Variants in CENPP observed in about 807,000 individuals in gnomAD.
CENPP encodes centromere protein P.
A neutral mutation model predicts 35.6 loss-of-function variants in CENPP; 24 were observed. That is an observed-to-expected ratio of 0.67 (90% confidence interval 0.49 to 0.95). The LOEUF (loss-of-function observed/expected upper bound fraction) is 0.95, where lower values mean the gene tolerates loss of function less well. Among genes scored for constraint, CENPP ranks in the 40% least tolerant of loss-of-function variants. The pLI, the probability that CENPP is intolerant of heterozygous loss-of-function variation, is 0.00. For missense variants in CENPP, 332 were observed against 345.3 expected, an observed-to-expected ratio of 0.96 and a Z score of 0.31; for synonymous variants, 120 against 125.5, an observed-to-expected ratio of 0.96 and a Z score of 0.29.
chr9:92,573,127 G>A lies in CENPP; in HGVS notation c.565-38187G>A, dbSNP rs191771973. ...TCAAAGTCATTCTCCGTCCAGCTTT[G>A]TTCCCTTGCTGGCGAGGAGCTGCGT... On this transcript the variant is annotated intron_variant, in intron 5 of 7. Coordinates refer to ENST00000375587, the MANE Select transcript of CENPP (RefSeq NM_001012267.3). Among the ~76,000 whole-genome samples, 10 of 152,302 alleles carry A rather than the reference G, an allele frequency of 6.6e-5. No individual in the cohort carries two copies. The East Asian group carries it at 1.9e-3, about 29-fold the overall frequency.
intron 1 of CENPP, among the ~76,000 whole-genome samples, chr9:92,330,686 TTG>T (rs1202768016): frequency 4.3e-5 from 5 of 115,754 alleles, no homozygotes; most frequent in African/African-American, 2.4e-4. Flanking sequence ...TTTCTTTTCT[TTG>T]TTTTTTTTTT....
chr9:92,416,603 A>G lies in CENPP; in HGVS notation c.564+36744A>G, dbSNP rs772593846. Reference sequence around the variant, plus strand: ...CCATTCTTTCTCTCTTCAAAACACAATAAAAGTCTACATACTTTCTATTTC... The same window carrying G: ...CCATTCTTTCTCTCTTCAAAACACAGTAAAAGTCTACATACTTTCTATTTC... On this transcript the variant is annotated intron_variant, in intron 5 of 7. Coordinates refer to ENST00000375587, the MANE Select transcript of CENPP (RefSeq NM_001012267.3). The G allele has an allele frequency of 8.5e-6, 12 of 1,416,686 alleles. No homozygotes were observed. In the East Asian group the frequency reaches 9.2e-5, roughly 11 times the overall value. 87.8% of individuals were successfully genotyped at this position (1,416,686 alleles called of 1,614,324 possible). A position where few individuals can be genotyped will look rare whatever the true frequency, so the allele number is the denominator to read the frequency against.
chr9:92,507,713 T>C (rs80344298), intron 5 of CENPP, among the ~76,000 whole-genome samples: 226 of 152,306 alleles, frequency 1.5e-3, no homozygotes, highest in African/African-American at 4.8e-3. Context: ...TTTCAGTCAT[T>C]AGTGACAACA....
intron 5 of CENPP, chr9:92,386,211 A>C: frequency 1.2e-6 from 2 of 1,605,870 alleles, no homozygotes; most frequent in Non-Finnish European, 1.7e-6. Context: ...CTGAAGATGA[A>C]TTACACGTAG....
intron 5 of CENPP, among the ~76,000 whole-genome samples, chr9:92,531,968 T>C (rs932104841): frequency 6.6e-6 from 1 of 151,520 alleles, no homozygotes; most frequent in African/African-American, 2.4e-5. Flanking sequence ...CAGTATTTTA[T>C]TGTTGCCTTC....
intron 5 of CENPP, among the ~76,000 whole-genome samples, chr9:92,488,936 C>T (rs1846120080): frequency 6.6e-6 from 1 of 152,076 alleles, no homozygotes; most frequent in African/African-American, 2.4e-5. Context: ...ACATTTTATA[C>T]AAAGGAAAAA....
chr9:92,440,709 G>C (rs1349845178), intron 5 of CENPP, among the ~76,000 whole-genome samples: 1 of 152,192 alleles, frequency 6.6e-6, no homozygotes, highest in Non-Finnish European at 1.5e-5. Flanking sequence ...TGCATTATAA[G>C]TATTTAGTTA....
In CENPP at chr9:92,437,533, C is replaced by T. The variant is rs1159101178; in HGVS notation, c.564+57674C>T. On this transcript the variant is annotated intron_variant, in intron 5 of 7. Coordinates refer to ENST00000375587, the MANE Select transcript of CENPP (RefSeq NM_001012267.3). ...CAAGTAATCCTCCCACCTCAGCTTC[C>T]CGAGTAGCTGAGACCACAGGCATAT... Among the ~76,000 whole-genome samples the T allele has an allele frequency of 5.3e-5, 8 of 151,246 alleles. No individual in the cohort carries two copies. In the East Asian group the frequency reaches 1.4e-3, roughly 26 times the overall value.
chr9:92,384,382 T>C (rs1478217420), intron 5 of CENPP: 2 of 152,160 alleles, frequency 1.3e-5, no homozygotes, highest in East Asian at 3.8e-4. Context: ...ATACATACTT[T>C]ATGGTGGAAA....
chr9:92,352,784 C>CATCCAGAT (rs1841498257), intron 4 of CENPP, among the ~76,000 whole-genome samples: 1 of 151,602 alleles, frequency 6.6e-6, no homozygotes, highest in African/African-American at 2.4e-5. Flanking sequence ...AGATAGTGCC[C>CATCCAGAT]ATCCAGATTA....
intron 5 of CENPP, chr9:92,457,400 T>A (rs1469476122): frequency 3.1e-6 from 5 of 1,613,604 alleles, no homozygotes; most frequent in Non-Finnish European, 4.2e-6. Context: ...TATTGCACTG[T>A]ATAAAGATTT....
In CENPP at chr9:92,613,020, C is replaced by T; in HGVS notation, c.738C>T (p.Ala246=). The T allele has an allele frequency of 6.2e-7, 1 of 1,614,124 alleles. No homozygotes were observed. Among genetic ancestry groups the T allele is most frequent in the Non-Finnish European group, 8.5e-7 (1 of 1,179,998 alleles). The change falls in exon 8 of 8, where the codon GCC becomes GCT. Residue 246 remains alanine, a splice_region_variant and synonymous_variant. Coordinates refer to ENST00000375587, the MANE Select transcript of CENPP (RefSeq NM_001012267.3). ...LDLLTKVPQR[A]LELDKNRAIE... is the part of the protein sequence containing the mutation. ...CCCGGTTTAATGTTTTCTTTATAGC[C>T]CTGGAGCTGGACAAGAACAGAGCCA... is the stretch of plus-strand genomic sequence containing the variant.
At chr9:92,456,900 G>A (rs1444672989) in intron 5 of CENPP, 6 of 986,460 alleles carry the variant, frequency 6.1e-6, no homozygotes, top group Non-Finnish European at 7.3e-6. Context: ...TTTTCTAACA[G>A]CAAATGAAAG....
intron 5 of CENPP, among the ~76,000 whole-genome samples, chr9:92,419,008 T>G (rs1443829579): frequency 6.6e-6 from 1 of 152,292 alleles, no homozygotes; most frequent in East Asian, 1.9e-4. Context: ...CACACTGTCC[T>G]TGTCTCCCAG....
In CENPP at chr9:92,557,071, T is replaced by A. The variant is rs564110479; in HGVS notation, c.565-54243T>A. 3.3e-5 allele frequency among the ~76,000 whole-genome samples: 5 copies of A among 152,372 alleles called. No homozygotes were observed. In the South Asian group the frequency reaches 8.3e-4, roughly 25 times the overall value. ...ATTTGTTTGTCTGAAAACGACTATA[T>A]CTTTCCTTCACATGATGCTGAGTTT... On this transcript the variant is annotated intron_variant, in intron 5 of 7. Coordinates refer to ENST00000375587, the MANE Select transcript of CENPP (RefSeq NM_001012267.3).
At chr9:92,391,690 A>G (rs116388354) in intron 5 of CENPP, among the ~76,000 whole-genome samples, 3,180 of 152,258 alleles carry the variant, frequency 0.021, 54 homozygotes, top group South Asian at 0.044. Flanking sequence ...CGTTAAATAG[A>G]CTGTGAACAG....
intron 7 of CENPP, 98 bp downstream of exon 7, chr9:92,612,712 A>C: frequency 1.1e-6 from 1 of 872,136 alleles, no homozygotes; most frequent in Non-Finnish European, 1.9e-6. Context: ...AGAATCAAAA[A>C]TTGGAAATCT....
At chr9:92,530,405 T>C (rs1263934742) in intron 5 of CENPP, among the ~76,000 whole-genome samples, 4 of 152,136 alleles carry the variant, frequency 2.6e-5, no homozygotes, top group African/African-American at 9.7e-5. Flanking sequence ...TAAAACTGCT[T>C]TGAAAAAAAG....
chr9:92,481,152 C>T (rs1303551091), intron 5 of CENPP, among the ~76,000 whole-genome samples: 1 of 152,154 alleles, frequency 6.6e-6, no homozygotes, highest in Non-Finnish European at 1.5e-5. Flanking sequence ...AAGACTTGTG[C>T]TTGTAAAGTT....
Sources: gnomAD v4.1 joint callset for allele counts (sites outside exome capture counted in the v4.1 genomes callset) on GRCh38, gnomAD v4.1.1 for gene constraint, MANE v1.5 for transcripts, NCBI Gene and HGNC (gene_info 2026-07-23, HGNC 2026-07-21) for gene names.